The following LMBR1 variants were observed in gnomAD, a reference collection of about 807,000 sequenced individuals.
LMBR1 encodes limb development membrane protein 1.
Under a neutral mutation model 73.9 loss-of-function variants are expected in LMBR1, and 52 were observed. The ratio of observed to expected loss-of-function variants is 0.70; its 90% CI spans 0.56 to 0.89. LMBR1 has a LOEUF of 0.89. Ranked by LOEUF, LMBR1 falls within the 40% of genes least tolerant of loss-of-function variation. The pLI is 0.00. For missense variants in LMBR1, 539 were observed against 579.8 expected, an observed-to-expected ratio of 0.93 and a Z score of 0.72; for synonymous variants, 215 against 209.4, an observed-to-expected ratio of 1.03 and a Z score of -0.23.
At chr7:156,738,222 C>G (rs563306283) in intron 9 of LMBR1, among the ~76,000 whole-genome samples, 9 of 152,266 alleles carry the variant, frequency 5.9e-5, no homozygotes, top group African/African-American at 2.2e-4. Context: ...CAATGCTGCC[C>G]TGTCACAGCA....
intron 15 of LMBR1, among the ~76,000 whole-genome samples, chr7:156,711,206 A>C (rs1255285215): frequency 6.6e-6 from 1 of 152,154 alleles, no homozygotes; most frequent in Non-Finnish European, 1.5e-5. Context: ...GCTACTTGGG[A>C]GGCTGAGGCA....
chr7:156,785,003 T>C (rs112574345), intron 5 of LMBR1, among the ~76,000 whole-genome samples: 4,842 of 152,290 alleles, frequency 0.032, 122 homozygotes, highest in South Asian at 0.084. Flanking sequence ...CAGAAAAATA[T>C]ATGTACACAA....
intron 15 of LMBR1, among the ~76,000 whole-genome samples, chr7:156,692,029 G>A (rs965382113): frequency 2.0e-5 from 3 of 151,832 alleles, no homozygotes; most frequent in African/African-American, 4.8e-5. Context: ...CGAAAGAGAG[G>A]CTCCACTTCT....
chr7:156,757,451 A>G (rs758553401), intron 8 of LMBR1, among the ~76,000 whole-genome samples: 10 of 152,256 alleles, frequency 6.6e-5, no homozygotes, highest in Non-Finnish European at 1.0e-4. Flanking sequence ...TTCAAAAGAA[A>G]AAACCATACT....
At chr7:156,825,157 G>A (rs1196145124) in intron 4 of LMBR1, among the ~76,000 whole-genome samples, 2 of 152,040 alleles carry the variant, frequency 1.3e-5, no homozygotes, top group African/African-American at 4.8e-5. Flanking sequence ...CTTAAATATT[G>A]TCAAAGGAGG....
chr7:156,771,035 T>C (rs1184874369), intron 5 of LMBR1, among the ~76,000 whole-genome samples: 1 of 152,014 alleles, frequency 6.6e-6, no homozygotes, highest in Non-Finnish European at 1.5e-5. Flanking sequence ...GATAAATGTC[T>C]GGCTAGAAAA....
intron 15 of LMBR1, among the ~76,000 whole-genome samples, chr7:156,701,849 G>T (rs1408629821): frequency 6.6e-6 from 1 of 152,106 alleles, no homozygotes; most frequent in African/African-American, 2.4e-5. Flanking sequence ...TCATTGTTCA[G>T]TTCCCACTTA....
chr7:156,889,778 T>C (rs1802570927), intron 1 of LMBR1, among the ~76,000 whole-genome samples: 1 of 152,168 alleles, frequency 6.6e-6, no homozygotes, highest in Non-Finnish European at 1.5e-5. Context: ...GAGGATCACT[T>C]GAGCCCAGGA....
intron 3 of LMBR1, among the ~76,000 whole-genome samples, chr7:156,829,253 C>T (rs1836243006): frequency 6.6e-6 from 1 of 152,200 alleles, no homozygotes; most frequent in Non-Finnish European, 1.5e-5. Flanking sequence ...GTTCAATTTC[C>T]TTAGGATTTT....
chr7:156,791,036 G>A (rs1237574797), intron 5 of LMBR1, among the ~76,000 whole-genome samples: 3 of 152,188 alleles, frequency 2.0e-5, no homozygotes, highest in Admixed American at 6.5e-5. Flanking sequence ...GGGGATTGTA[G>A]AGGATTTCTA....
At chr7:156,760,214 C>G (rs1258207023) in intron 8 of LMBR1, among the ~76,000 whole-genome samples, 3 of 152,156 alleles carry the variant, frequency 2.0e-5, no homozygotes, top group Non-Finnish European at 4.4e-5. Flanking sequence ...GCTGAACACA[C>G]TGACATACTG....
intron 4 of LMBR1, among the ~76,000 whole-genome samples, chr7:156,671,905 C>T (rs1335939498): frequency 3.3e-5 from 5 of 151,834 alleles, no homozygotes; most frequent in Non-Finnish European, 7.4e-5. Context: ...ACGTATTAAT[C>T]GAAGACAAAA....
At chr7:156,760,156 G>T (rs1309533402) in intron 8 of LMBR1, among the ~76,000 whole-genome samples, 1 of 152,168 alleles carries the variant, frequency 6.6e-6, no homozygotes, top group African/African-American at 2.4e-5. Context: ...AGGGGGAGAA[G>T]AGAACCAGGA....
At chr7:156,795,346 A>ACC (rs1829896138) in intron 5 of LMBR1, among the ~76,000 whole-genome samples, 1 of 152,004 alleles carries the variant, frequency 6.6e-6, no homozygotes, top group African/African-American at 2.4e-5. Flanking sequence ...CCACTGTCCG[A>ACC]CCCTTGAAGG....
chr7:156,860,526 T>C (rs1319511817), intron 1 of LMBR1, among the ~76,000 whole-genome samples: 1 of 152,074 alleles, frequency 6.6e-6, no homozygotes, highest in Non-Finnish European at 1.5e-5. Flanking sequence ...CCAAATCTAA[T>C]GTCCTCATAT....
intron 16 of LMBR1, among the ~76,000 whole-genome samples, chr7:156,686,107 G>T (rs1399110336): frequency 6.6e-6 from 1 of 152,172 alleles, no homozygotes. Flanking sequence ...ACTGAGTGAA[G>T]ACAGAGGATC....
At chr7:156,850,919 T>G (rs1456256997) in intron 1 of LMBR1, among the ~76,000 whole-genome samples, 2 of 152,184 alleles carry the variant, frequency 1.3e-5, no homozygotes, top group African/African-American at 4.8e-5. Flanking sequence ...CTTGGTGCCC[T>G]CCCCTTGGTG....
At chr7:156,777,520 T>C (rs1329118846) in intron 5 of LMBR1, among the ~76,000 whole-genome samples, 1 of 152,220 alleles carries the variant, frequency 6.6e-6, no homozygotes, top group Non-Finnish European at 1.5e-5. Context: ...ACCTGCATCA[T>C]AATTACCAAG....
At chr7:156,861,979 T>G (rs1195682950) in intron 1 of LMBR1, among the ~76,000 whole-genome samples, 1 of 152,220 alleles carries the variant, frequency 6.6e-6, no homozygotes, top group East Asian at 1.9e-4. Context: ...CTCCAAACTG[T>G]TCCAACCACT....
Sources: allele counts gnomAD v4.1 joint callset (sites outside exome capture counted in the v4.1 genomes callset), GRCh38; gene constraint gnomAD v4.1.1; transcripts MANE v1.5; gene names NCBI Gene and HGNC (gene_info 2026-07-23, HGNC 2026-07-21).